Variants in PRRC2B observed in about 807,000 individuals in gnomAD.
PRRC2B encodes proline rich coiled-coil 2B.
In PRRC2B, 68 loss-of-function variants were observed where a neutral mutation model predicts 242.3. The ratio of observed to expected loss-of-function variants is 0.28; its 90% CI spans 0.23 to 0.34. The LOEUF is 0.34. Ranked by LOEUF, PRRC2B falls within the 10% of genes least tolerant of loss-of-function variation. The pLI is 1.00. For synonymous variants in PRRC2B, 1,228 were observed against 1,173.6 expected (o/e 1.05, Z -0.95); for missense variants, 2,835 against 2,954.8 (o/e 0.96, Z 0.94).
At position 131,423,083 on chromosome 9, in the gene PRRC2B, T is replaced by C. The variant is rs80030822; in HGVS notation, c.-51-7011T>C. Among the ~76,000 whole-genome samples, 263 of 152,272 alleles carry C rather than the reference T, an allele frequency of 1.7e-3. No individual in the cohort carries two copies. In the East Asian group the frequency reaches 0.022, roughly 13 times the overall value. ...TGGGTTGTGTCTGCTTCATATGTCA[T>C]ACTGAGGTTCCAAGTCAGATTCTGT... On this transcript the variant is annotated intron_variant, in intron 1 of 31. Transcript: ENST00000683519.
intron 3 of PRRC2B, among the ~76,000 whole-genome samples, chr9:131,433,971 T>C (rs1838259638): frequency 6.6e-6 from 1 of 152,220 alleles, no homozygotes; most frequent in East Asian, 1.9e-4. Flanking sequence ...ATAGCATGAC[T>C]TTTGAAATCT....
chr9:131,428,147 C>G (rs148273382), intron 1 of PRRC2B, among the ~76,000 whole-genome samples: 21 of 152,070 alleles, frequency 1.4e-4, no homozygotes, highest in African/African-American at 4.8e-4. Flanking sequence ...GTCTTGAGCT[C>G]CTGACCTCGT....
chr9:131,404,843 A>T lies in PRRC2B; in HGVS notation c.-52+10580A>T, dbSNP rs143495767. Among the ~76,000 whole-genome samples, 695 of 152,334 alleles carry T rather than the reference A, an allele frequency of 4.6e-3. 2 individuals carry two copies. The highest frequency in any genetic ancestry group is 7.4e-3 in the Non-Finnish European group (504 of 68,036). Reference sequence around the variant, plus strand: ...ACATTTGGGCTATTTGTAGTTTTGGAATATTACACAATTTTGGTCAAACTG... The same window carrying T: ...ACATTTGGGCTATTTGTAGTTTTGGTATATTACACAATTTTGGTCAAACTG... On this transcript the variant is annotated intron_variant, in intron 1 of 31. Coordinates refer to ENST00000683519, the MANE Select transcript of PRRC2B (RefSeq NM_013318.4).
At chr9:131,483,696 C>G (rs188317066) in intron 23 of PRRC2B, among the ~76,000 whole-genome samples, 1 of 152,166 alleles carries the variant, frequency 6.6e-6, no homozygotes, top group Admixed American at 6.5e-5. Context: ...GTGCCAGGTG[C>G]GAGCCCAGAC....
intron 11 of PRRC2B, among the ~76,000 whole-genome samples, chr9:131,464,359 G>A (rs943827527): frequency 6.6e-5 from 10 of 152,160 alleles, no homozygotes; most frequent in African/African-American, 1.2e-4. Flanking sequence ...AGCAGTTTTC[G>A]TGACCCAGGA....
chr9:131,491,406 T>C lies in PRRC2B; in HGVS notation c.6226-19T>C. 6.3e-7 allele frequency: 1 copy of C among 1,576,434 alleles called. No individual in the cohort carries two copies. The highest frequency in any genetic ancestry group is 8.6e-7 in the Non-Finnish European group (1 of 1,161,126). ...CCATAGCATCATTCCCCCTCCTGACTGTCATTGTCGCCCAGCAGCTGACCA... is the reference window on the plus strand; with the variant it reads ...CCATAGCATCATTCCCCCTCCTGACCGTCATTGTCGCCCAGCAGCTGACCA... On this transcript the variant is annotated intron_variant, in intron 28 of 31. Coordinates refer to ENST00000683519, the MANE Select transcript of PRRC2B (RefSeq NM_013318.4).
chr9:131,488,707 T>G (rs771750842), intron 28 of PRRC2B, among the ~76,000 whole-genome samples: 1 of 152,190 alleles, frequency 6.6e-6, no homozygotes, highest in African/African-American at 2.4e-5. Context: ...GTGTAGTTGT[T>G]GATGCTTCTA....
chr9:131,417,916 C>T (rs1285855910), intron 1 of PRRC2B, among the ~76,000 whole-genome samples: 5 of 152,214 alleles, frequency 3.3e-5, no homozygotes, highest in Non-Finnish European at 7.3e-5. Context: ...GTGTCAGAAC[C>T]TCAAGAACTG....
At chr9:131,418,937 A>T (rs1364941061) in intron 1 of PRRC2B, among the ~76,000 whole-genome samples, 1 of 152,244 alleles carries the variant, frequency 6.6e-6, no homozygotes, top group Non-Finnish European at 1.5e-5. Flanking sequence ...TAAGTGGCTC[A>T]TGCTGGTGAA....
At position 131,476,290 on chromosome 9, in the gene PRRC2B, G is replaced by A. The variant is rs1182775394; in HGVS notation, c.4161G>A (p.Arg1387=). 1 of 1,588,246 alleles carries A rather than the reference G, an allele frequency of 6.3e-7. No homozygotes were observed. Among genetic ancestry groups the A allele is most frequent in the East Asian group, 2.3e-5 (1 of 43,206 alleles). ...AAAGCAGCGACTTCAGCGAGCGGCG[G>A]GAGCGGCGGGAAGGCCCTGGGTCCG... is the stretch of plus-strand genomic sequence containing the variant. ...ASESSDFSER[R]ERREGPGSEP... The change falls in exon 16 of 32, where the codon CGG becomes CGA. Residue 1387 remains arginine (R), a synonymous_variant. Transcript: ENST00000683519.
rs1473856999 is a variant in PRRC2B, at chr9:131,475,983, A to G, written c.3854A>G (p.Asp1285Gly). ...GAGGACAAGAGATCCTTCTTCCAAGATGAACACGTGGCAGATTCTGAAAAT... is the reference window on the plus strand; with the variant it reads ...GAGGACAAGAGATCCTTCTTCCAAGGTGAACACGTGGCAGATTCTGAAAAT... ...RAEDKRSFFQ[D>G]EHVADSENAE... is the part of the protein sequence containing the mutation. The change falls in exon 16 of 32, where the codon GAT (aspartate) becomes GGT (glycine). Residue 1285 changes from aspartate (D) to glycine (G), a missense_variant. This residue lies in a region of PRRC2B where 1,536 missense variants were observed against 1,483.1 expected (regional missense o/e 1.04). Coordinates refer to ENST00000683519, the MANE Select transcript of PRRC2B (RefSeq NM_013318.4). 1.9e-6 allele frequency: 3 copies of G among 1,609,874 alleles called. No individual in the cohort carries two copies. Among genetic ancestry groups the G allele is most frequent in the Non-Finnish European group, 8.5e-7 (1 of 1,176,652 alleles).
chr9:131,470,728 G>T, intron 13 of PRRC2B, 60 bp from the exon 14 acceptor site: 1 of 1,409,348 alleles, frequency 7.1e-7, no homozygotes, highest in South Asian at 1.2e-5. Flanking sequence ...GCGTGTGTTG[G>T]GTGGCATCTC....
At chr9:131,431,137 T>C (rs1838154663) in intron 2 of PRRC2B, among the ~76,000 whole-genome samples, 1 of 151,668 alleles carries the variant, frequency 6.6e-6, no homozygotes, top group Non-Finnish European at 1.5e-5. Context: ...TTGTTTTTTG[T>C]TTTTCTTTTT....
chr9:131,396,094 T>C (rs1837047502), intron 1 of PRRC2B, among the ~76,000 whole-genome samples: 1 of 152,318 alleles, frequency 6.6e-6, no homozygotes, highest in South Asian at 2.1e-4. Context: ...ATCTGTAAAA[T>C]GGGAATAATT....
At chr9:131,431,172 G>T (rs1469738438) in intron 2 of PRRC2B, among the ~76,000 whole-genome samples, 1 of 151,304 alleles carries the variant, frequency 6.6e-6, no homozygotes, top group African/African-American at 2.4e-5. Flanking sequence ...ACTCTGTCAT[G>T]CAGGGTGGAG....
rs183938437 is a variant in PRRC2B at position 131,491,514 on chromosome 9, C to T, written c.6315C>T (p.Ser2105=). ...SIQLPPGQSL[S]VGAPRRIPPP... is the part of the protein sequence containing the mutation. ...AGCTGCCACCTGGGCAGAGCCTCTC[C>T]GTTGGGGCCCCCCGAAGGATTCCTC... The change falls in exon 29 of 32, where the codon TCC becomes TCT. Residue 2105 remains serine (S), a synonymous_variant. Coordinates refer to ENST00000683519, the MANE Select transcript of PRRC2B (RefSeq NM_013318.4). The T allele has an allele frequency of 2.1e-4, 337 of 1,612,490 alleles. 1 individual carries two copies. The highest frequency in any genetic ancestry group is 8.5e-4 in the East Asian group (38 of 44,858).
At chr9:131,414,111 TCAAA>T (rs1231794052) in intron 1 of PRRC2B, among the ~76,000 whole-genome samples, 1 of 152,136 alleles carries the variant, frequency 6.6e-6, no homozygotes, top group East Asian at 1.9e-4. Context: ...GGAACAGTCT[TCAAA>T]CAAACTGCAC....
Position 131,477,974 on chromosome 9 carries a change from G to C in PRRC2B, c.4612+25G>C, listed in dbSNP as rs762490847. On this transcript the variant is annotated intron_variant, in intron 17 of 31. Coordinates refer to ENST00000683519, the MANE Select transcript of PRRC2B (RefSeq NM_013318.4). ...AGTAAGTCATCCTCATATCTTCAGGGGAAAGAACTCAGGCAGAACCAGGGG... is the reference window on the plus strand; with the variant it reads ...AGTAAGTCATCCTCATATCTTCAGGCGAAAGAACTCAGGCAGAACCAGGGG... The C allele has an allele frequency of 2.5e-6, 4 of 1,603,472 alleles. No individual in the cohort carries two copies. In the South Asian group the frequency reaches 4.4e-5, roughly 18 times the overall value.
intron 17 of PRRC2B, among the ~76,000 whole-genome samples, 157 bp from the exon 18 acceptor site, chr9:131,478,317 A>G (rs1416811881): frequency 6.6e-6 from 1 of 152,122 alleles, no homozygotes; most frequent in Non-Finnish European, 1.5e-5. Context: ...GTTTGGGGTA[A>G]CAATGTGTTA....
Sources: allele counts gnomAD v4.1 joint callset (sites outside exome capture counted in the v4.1 genomes callset), GRCh38; gene constraint gnomAD v4.1.1; regional missense constraint gnomAD v4.1.1; transcripts MANE v1.5; gene names NCBI Gene and HGNC (gene_info 2026-07-23, HGNC 2026-07-21).